AGPAT3: variants seen among roughly 807,000 people sequenced by gnomAD.
The protein encoded by AGPAT3 is 1-acylglycerol-3-phosphate O-acyltransferase 3, also known as 1-acyl-sn-glycerol-3-phosphate acyltransferase gamma.
AGPAT3 carries 5 observed loss-of-function variants against 47.3 expected under a neutral mutation model. The observed-to-expected ratio is 0.11, with a 90% CI of 0.06 to 0.22. The LOEUF is 0.22. AGPAT3 is among the 10% of genes least tolerant of loss of function. The probability of loss-of-function intolerance (pLI) is 1.00; values close to 1 mark genes in which losing one functional copy is unlikely to be tolerated. For synonymous variants in AGPAT3, 212 were observed against 208.3 expected (o/e 1.02, Z -0.15); for missense variants, 315 against 493.0 (o/e 0.64, Z 3.42).
At chr21:43,884,688 T>TGGTGCTGGGTGGCCTGATGCTG (rs2085934966) in intron 1 of AGPAT3, among the ~76,000 whole-genome samples, 1 of 150,942 alleles carries the variant, frequency 6.6e-6, no homozygotes. Flanking sequence ...CTGGGTGGCC[T>TGGTGCTGGGTGGCCTGATGCTG]GGTGCTGGGT....
At chr21:43,884,429 A>C (rs1372901325) in intron 1 of AGPAT3, among the ~76,000 whole-genome samples, 1 of 151,854 alleles carries the variant, frequency 6.6e-6, no homozygotes, top group East Asian at 1.9e-4. Flanking sequence ...TGCTGTGCGG[A>C]GCATGGCCCT....
At chr21:43,904,850 C>T (rs184194357) in intron 2 of AGPAT3, among the ~76,000 whole-genome samples, 5 of 152,272 alleles carry the variant, frequency 3.3e-5, no homozygotes, top group Non-Finnish European at 7.3e-5. Flanking sequence ...CAAATGCTGT[C>T]GGCAGAGATC....
At chr21:43,889,562 G>A (rs1401826439) in intron 1 of AGPAT3, among the ~76,000 whole-genome samples, 4 of 152,236 alleles carry the variant, frequency 2.6e-5, no homozygotes, top group South Asian at 2.1e-4. Flanking sequence ...GTTCCGTTCC[G>A]GACTTCGGCA....
At chr21:43,959,113 GT>G (rs2088673042) in intron 2 of AGPAT3, among the ~76,000 whole-genome samples, 1 of 132,408 alleles carries the variant, frequency 7.6e-6, no homozygotes, top group Admixed American at 7.8e-5. Context: ...GTGGTTTGCA[GT>G]GTGTGTGTGT....
At chr21:43,950,735 C>T (rs2088153226) in intron 2 of AGPAT3, 1 of 152,334 alleles carries the variant, frequency 6.6e-6, no homozygotes. Flanking sequence ...GCATGCCTGC[C>T]TTCTGCAAGC....
rs527942706 is a variant in AGPAT3, at chr21:43,933,149, C to T, written c.-48-26485C>T. Among the ~76,000 whole-genome samples the T allele has an allele frequency of 1.3e-5, 2 of 152,220 alleles. No individual in the cohort carries two copies. The highest frequency in any genetic ancestry group is 2.9e-5 in the Non-Finnish European group (2 of 68,042). On this transcript the variant is annotated intron_variant, in intron 2 of 9. Transcript: ENST00000291572. This position sits in a 1 kb window ranked among gnomAD's most constrained non-coding sequence, Gnocchi z 6.0. ...TCCCTGTGGCTTCGATTTGCTTCTCCCTGATGGTTAATAATGCCGAACAGC... is the reference window on the plus strand; with the variant it reads ...TCCCTGTGGCTTCGATTTGCTTCTCTCTGATGGTTAATAATGCCGAACAGC...
chr21:43,955,148 C>A lies in AGPAT3; in HGVS notation c.-48-4486C>A. On this transcript the variant is annotated intron_variant, in intron 2 of 9. Transcript: ENST00000291572. This position sits in a 1 kb window ranked among gnomAD's most constrained non-coding sequence, Gnocchi z 4.1. The stretch of plus-strand genomic sequence containing the variant: ...GGGTCACTCAGCAGCCACGGATGCG[C>A]CCTGGGTGCTGTCCCGGGGCCGTCT... 7.8e-7 allele frequency: 1 copy of A among 1,277,614 alleles called. No homozygotes were observed. The highest frequency in any genetic ancestry group is 1.0e-6 in the Non-Finnish European group (1 of 981,470). 79.1% of individuals were successfully genotyped at this position (1,277,614 alleles called of 1,614,324 possible).
intron 1 of AGPAT3, among the ~76,000 whole-genome samples, chr21:43,891,428 T>C (rs1273972833): frequency 2.6e-5 from 4 of 152,070 alleles, no homozygotes; most frequent in African/African-American, 7.2e-5. Flanking sequence ...GGTTAGGAGA[T>C]TGAGACCATC....
chr21:43,960,122 C>G (rs2088758500), intron 3 of AGPAT3, among the ~76,000 whole-genome samples: 1 of 152,228 alleles, frequency 6.6e-6, no homozygotes, highest in Admixed American at 6.5e-5. Flanking sequence ...AATGTTTAAA[C>G]AAAAGTAAAG....
intron 3 of AGPAT3, among the ~76,000 whole-genome samples, chr21:43,961,259 G>C (rs1368635834): frequency 6.6e-6 from 1 of 152,212 alleles, no homozygotes; most frequent in Non-Finnish European, 1.5e-5. Flanking sequence ...ACACTCTCAT[G>C]CTGTTTCCAT....
At chr21:43,892,056 C>T (rs2145935500) in intron 1 of AGPAT3, among the ~76,000 whole-genome samples, 1 of 152,252 alleles carries the variant, frequency 6.6e-6, no homozygotes, top group Non-Finnish European at 1.5e-5. Context: ...CCTCTAATCC[C>T]AGCACTTTGT....
rs376253803 is a variant in AGPAT3, at chr21:43,933,633, G to A, written c.-48-26001G>A. ...GTTGAGGAAACTGAGGCACAGCTTG[G>A]AAGCGGTTGGCACTGGGGTTAGGCT... is the stretch of plus-strand genomic sequence containing the variant. On this transcript the variant is annotated intron_variant, in intron 2 of 9. Coordinates refer to ENST00000291572, the MANE Select transcript of AGPAT3 (RefSeq NM_020132.5). The surrounding 1 kb of genome is among the most constrained non-coding windows in gnomAD (Gnocchi z 6.0). Among the ~76,000 whole-genome samples, 2 of 152,026 alleles carry A rather than the reference G, an allele frequency of 1.3e-5. No individual in the cohort carries two copies. Among genetic ancestry groups the A allele is most frequent in the African/African-American group, 4.8e-5 (2 of 41,368 alleles).
intron 2 of AGPAT3, among the ~76,000 whole-genome samples, chr21:43,944,554 T>A (rs1044519525): frequency 1.3e-5 from 2 of 152,184 alleles, no homozygotes; most frequent in African/African-American, 4.8e-5. Context: ...GTGGCACTGA[T>A]TGACAGGGGA....
At chr21:43,909,885 C>G (rs1021714463) in intron 2 of AGPAT3, among the ~76,000 whole-genome samples, 2 of 152,118 alleles carry the variant, frequency 1.3e-5, no homozygotes, top group Admixed American at 1.3e-4. Context: ...AACGCTAGCC[C>G]GGTGGGGAGG....
At chr21:43,948,522 C>T (rs374876529) in intron 2 of AGPAT3, among the ~76,000 whole-genome samples, 7 of 152,192 alleles carry the variant, frequency 4.6e-5, no homozygotes, top group East Asian at 1.9e-4. Flanking sequence ...CAAGGGTGAG[C>T]GCTGCCATAA....
chr21:43,948,970 G>T (rs1279748766), intron 2 of AGPAT3, among the ~76,000 whole-genome samples: 1 of 152,114 alleles, frequency 6.6e-6, no homozygotes, highest in East Asian at 1.9e-4. Context: ...TCAATTGTTG[G>T]TCTGCATGTC....
chr21:43,943,493 G>T (rs2087740745), intron 2 of AGPAT3, among the ~76,000 whole-genome samples: 2 of 152,194 alleles, frequency 1.3e-5, no homozygotes, highest in African/African-American at 4.8e-5. Context: ...GCACAGTGGT[G>T]AGCAGGCAGT....
intron 1 of AGPAT3, among the ~76,000 whole-genome samples, chr21:43,879,347 CAAAAAAAAAA>C (rs34630760): frequency 1.4e-5 from 1 of 71,670 alleles, no homozygotes; most frequent in African/African-American, 5.1e-5. Flanking sequence ...GACTCTATCT[CAAAAAAAAAA>C]AAAAAAAAAA....
In AGPAT3 at chr21:43,986,616, G is replaced by C. The variant is rs1198096376; in HGVS notation, c.*4224G>C. On this transcript the variant is annotated 3_prime_UTR_variant, in exon 10 of 10. Coordinates refer to ENST00000291572, the MANE Select transcript of AGPAT3 (RefSeq NM_020132.5). The stretch of plus-strand genomic sequence containing the variant: ...TCAAATGTTACTTGCCTAAATGCCA[G>C]GAAATTCAACTGGCCTTTTAATCAG... 1 of 152,626 alleles carries C rather than the reference G, an allele frequency of 6.6e-6. No individual in the cohort carries two copies. Among genetic ancestry groups the C allele is most frequent in the Non-Finnish European group, 1.5e-5 (1 of 68,054 alleles). The allele number at this position is 152,626 out of a possible 1,614,324, so 9.5% of individuals were successfully genotyped here.
Sources: gnomAD v4.1 joint callset for allele counts (sites outside exome capture counted in the v4.1 genomes callset) on GRCh38, gnomAD v4.1.1 for gene constraint, Gnocchi (gnomAD v3.1) non-coding constraint, MANE v1.5 for transcripts, NCBI Gene and HGNC (gene_info 2026-07-23, HGNC 2026-07-21) for gene names.